Variants in STRBP observed in about 807,000 individuals in gnomAD.
STRBP encodes spermatid perinuclear RNA binding protein.
A neutral mutation model predicts 80.1 loss-of-function variants in STRBP; 13 were observed. That is an observed-to-expected ratio of 0.16 (90% CI 0.11 to 0.26). The LOEUF (loss-of-function observed/expected upper bound fraction) is 0.26. Ranked by LOEUF, STRBP falls within the 10% of genes least tolerant of loss-of-function variation. The probability of loss-of-function intolerance (pLI) is 1.00; values close to 1 mark genes in which losing one functional copy is unlikely to be tolerated. For missense variants in STRBP, 485 were observed against 815.2 expected (o/e 0.59, Z 4.93); for synonymous variants, 284 against 291.2 (o/e 0.98, Z 0.25).
At chr9:123,213,725 G>C (rs2039792387) in intron 2 of STRBP, 1 of 152,148 alleles carries the variant, frequency 6.6e-6, no homozygotes, top group Non-Finnish European at 1.5e-5. Context: ...AGGAGTTCGA[G>C]ACCAGCCTGG....
intron 1 of STRBP, among the ~76,000 whole-genome samples, chr9:123,262,307 C>T (rs1459371766): frequency 6.6e-6 from 1 of 152,132 alleles, no homozygotes; most frequent in African/African-American, 2.4e-5. Flanking sequence ...AGAGACAGAG[C>T]CCTTTAGGAC....
rs1331164756 is a variant in STRBP, at chr9:123,122,275, G to A, written c.*3322C>T. 6.4e-6 allele frequency: 8 copies of A among 1,255,238 alleles called. No individual in the cohort carries two copies. The highest frequency in any genetic ancestry group is 1.2e-5 in the South Asian group (1 of 80,122). 77.8% of individuals were successfully genotyped at this position (1,255,238 alleles called of 1,614,324 possible). On this transcript the variant is annotated 3_prime_UTR_variant, in exon 19 of 19. Transcript: ENST00000348403. ...TGATATGGCTACGAAGGTCCGAGGA[G>A]AACGAGAATAAAGTGAGATAAACGT...
intron 1 of STRBP, among the ~76,000 whole-genome samples, chr9:123,240,838 C>T (rs1019141881): frequency 6.6e-6 from 1 of 152,178 alleles, no homozygotes; most frequent in African/African-American, 2.4e-5. Flanking sequence ...TGACCTCCGC[C>T]TGGACTCCAA....
At chr9:123,222,543 A>C (rs983519296) in intron 2 of STRBP, among the ~76,000 whole-genome samples, 7 of 152,334 alleles carry the variant, frequency 4.6e-5, no homozygotes, top group Admixed American at 2.0e-4. Context: ...TATCAGAAAT[A>C]AAAGAGGAGC....
chr9:123,195,392 G>C (rs922570886), intron 2 of STRBP, among the ~76,000 whole-genome samples: 1 of 152,040 alleles, frequency 6.6e-6, no homozygotes, highest in Non-Finnish European at 1.5e-5. Flanking sequence ...ATTCAAATTG[G>C]AAAGAAGCCA....
At chr9:123,182,139 C>T (rs576772075) in intron 3 of STRBP, among the ~76,000 whole-genome samples, 136 of 148,392 alleles carry the variant, frequency 9.2e-4, no homozygotes, top group Non-Finnish European at 8.4e-4. Context: ...TACTTGAACC[C>T]GGGACACAGA....
At chr9:123,174,839 A>G (rs981617905) in intron 4 of STRBP, among the ~76,000 whole-genome samples, 4 of 152,188 alleles carry the variant, frequency 2.6e-5, no homozygotes, top group African/African-American at 9.7e-5. Context: ...TTTTAATTCT[A>G]AAAGTTTCTT....
At chr9:123,262,853 C>T (rs1411712069) in intron 1 of STRBP, among the ~76,000 whole-genome samples, 2 of 152,282 alleles carry the variant, frequency 1.3e-5, no homozygotes, top group East Asian at 1.9e-4. Flanking sequence ...GGTCACCTCA[C>T]TATTCAATGC....
At chr9:123,150,510 T>G (rs1449774976) in intron 11 of STRBP, among the ~76,000 whole-genome samples, 1 of 152,080 alleles carries the variant, frequency 6.6e-6, no homozygotes, top group Non-Finnish European at 1.5e-5. Context: ...GAGGTTAAAG[T>G]GGGCTATGAC....
At chr9:123,214,083 C>A (rs1185628471) in intron 2 of STRBP, among the ~76,000 whole-genome samples, 2 of 151,034 alleles carry the variant, frequency 1.3e-5, no homozygotes, top group African/African-American at 4.9e-5. Flanking sequence ...AAAATGTGTA[C>A]CAGCCCAAAT....
intron 2 of STRBP, among the ~76,000 whole-genome samples, chr9:123,228,025 C>G (rs534291981): frequency 1.1e-4 from 16 of 152,058 alleles, no homozygotes; most frequent in Non-Finnish European, 1.8e-4. Context: ...AGAAGTGTTA[C>G]GACACTGCAG....
At chr9:123,177,474 G>T (rs1229357548) in intron 4 of STRBP, among the ~76,000 whole-genome samples, 1 of 152,106 alleles carries the variant, frequency 6.6e-6, no homozygotes, top group East Asian at 1.9e-4. Context: ...TCAAGAGGCT[G>T]ATGTAGGAGG....
At position 123,198,282 on chromosome 9, in the gene STRBP, C is replaced by T. The variant is rs188361795; in HGVS notation, c.-164-13984G>A. ...CAGCCTCCCAAGTAGCTAACTGGCA[C>T]CCGCCATCATGCCAGGCTAATTTTT... On this transcript the variant is annotated intron_variant, in intron 2 of 18. Transcript: ENST00000348403. Among the ~76,000 whole-genome samples, 319 of 152,050 alleles carry T rather than the reference C, an allele frequency of 2.1e-3. 1 individual carries two copies. The highest frequency in any genetic ancestry group is 2.4e-3 in the Non-Finnish European group (161 of 67,950).
intron 1 of STRBP, among the ~76,000 whole-genome samples, chr9:123,264,556 G>C (rs971741103): frequency 8.5e-5 from 13 of 152,206 alleles, no homozygotes; most frequent in African/African-American, 2.9e-4. Flanking sequence ...CAGTCTTCCC[G>C]AAAGACTTAA....
chr9:123,252,664 C>G (rs1564337542), intron 1 of STRBP, among the ~76,000 whole-genome samples: 2 of 152,200 alleles, frequency 1.3e-5, no homozygotes, highest in Non-Finnish European at 2.9e-5. Context: ...CTTTGGATAA[C>G]TATCAATACA....
chr9:123,237,281 TC>T (rs1359921140), intron 1 of STRBP, among the ~76,000 whole-genome samples: 1 of 152,208 alleles, frequency 6.6e-6, no homozygotes, highest in Non-Finnish European at 1.5e-5. Context: ...CCACCCTGTT[TC>T]TTCCAAATAA....
intron 12 of STRBP, among the ~76,000 whole-genome samples, chr9:123,147,408 G>A (rs1029849621): frequency 2.6e-5 from 4 of 152,014 alleles, no homozygotes; most frequent in East Asian, 1.9e-4. Flanking sequence ...AGGCACAGTC[G>A]CTCATATCTG....
At chr9:123,173,631 C>T (rs748369198) in intron 5 of STRBP, 46 bp downstream of exon 5, 2 of 1,556,892 alleles carry the variant, frequency 1.3e-6, no homozygotes, top group African/African-American at 2.8e-5. Flanking sequence ...CTACCTATTT[C>T]ACCTTTTTAC....
chr9:123,114,818 T>C (rs78979195), intron 3 of STRBP: 2,742 of 241,060 alleles, frequency 0.011, 86 homozygotes, highest in African/African-American at 0.059. Flanking sequence ...ATGGGTGCTA[T>C]TGTTCCTTGG....
Sources: gnomAD v4.1 joint callset for allele counts (sites outside exome capture counted in the v4.1 genomes callset) on GRCh38, gnomAD v4.1.1 for gene constraint, MANE v1.5 for transcripts, NCBI Gene and HGNC (gene_info 2026-07-23, HGNC 2026-07-21) for gene names.